DGKI: variants seen among roughly 807,000 people sequenced by gnomAD.
DGKI encodes the protein diacylglycerol kinase iota.
In DGKI, 55 loss-of-function variants were observed where a neutral mutation model predicts 147.5. The ratio of observed to expected loss-of-function variants is 0.37; its 90% CI spans 0.30 to 0.47. The LOEUF (loss-of-function observed/expected upper bound fraction) is 0.47, where lower values mean the gene tolerates loss of function less well. Ranked by LOEUF, DGKI falls within the 20% of genes least tolerant of loss-of-function variation. The pLI, the probability that DGKI is intolerant of heterozygous loss-of-function variation, is 1.00. For synonymous variants in DGKI, 469 were observed against 477.1 expected (o/e 0.98, Z 0.22); for missense variants, 1,007 against 1,323.8 (o/e 0.76, Z 3.71).
rs140431219 is a variant in DGKI, at chr7:137,524,694, G to T, written c.2148-2728C>A. ...GAAGCTGGAACCATAGAATGTAGTGGCCTATCAGACCCTAATAGGAGAAGT... is the reference window on the plus strand; with the variant it reads ...GAAGCTGGAACCATAGAATGTAGTGTCCTATCAGACCCTAATAGGAGAAGT... On this transcript the variant is annotated intron_variant, in intron 20 of 32. Coordinates refer to ENST00000614521, the MANE Select transcript of DGKI (RefSeq NM_001321708.2). Among the ~76,000 whole-genome samples the T allele has an allele frequency of 3.6e-3, 548 of 152,198 alleles. 4 individuals are homozygous for T. The highest frequency in any genetic ancestry group is 0.012 in the African/African-American group (513 of 41,532).
chr7:137,680,126 A>G (rs1823183935), intron 2 of DGKI, among the ~76,000 whole-genome samples: 1 of 152,096 alleles, frequency 6.6e-6, no homozygotes, highest in African/African-American at 2.4e-5. Flanking sequence ...TCCTTATAGA[A>G]GAGACACATG....
Position 137,801,362 on chromosome 7 carries a change from G to C in DGKI, c.401+45100C>G, listed in dbSNP as rs868695065. On this transcript the variant is annotated intron_variant, in intron 1 of 32. Transcript: ENST00000614521. ...AAAAGATCAAGGTTTCAAAAGGAAG[G>C]AGCAAGGGGAAATGGATTTCATAAA... Among the ~76,000 whole-genome samples the C allele has an allele frequency of 7.2e-5, 11 of 152,306 alleles. 1 individual carries two copies. In the Middle Eastern group the frequency reaches 0.017, roughly 235 times the overall value.
At chr7:137,794,945 T>A (rs1796977540) in intron 1 of DGKI, among the ~76,000 whole-genome samples, 1 of 152,190 alleles carries the variant, frequency 6.6e-6, no homozygotes, top group Non-Finnish European at 1.5e-5. Context: ...AGCTACGTCC[T>A]TTTTAACACA....
chr7:137,511,895 C>T (rs967827382), intron 21 of DGKI, among the ~76,000 whole-genome samples: 1 of 152,134 alleles, frequency 6.6e-6, no homozygotes, highest in East Asian at 1.9e-4. Context: ...GTCCAATAAC[C>T]CTTGCCTCAA....
At chr7:137,430,019 G>A (rs61574089) in intron 28 of DGKI, among the ~76,000 whole-genome samples, 5,975 of 77,302 alleles carry the variant, frequency 0.077, 170 homozygotes, top group East Asian at 0.24. Context: ...ATCTAGAACT[G>A]GAAATACCAT....
chr7:137,610,985 C>T (rs140487826), intron 8 of DGKI, among the ~76,000 whole-genome samples: 29 of 152,286 alleles, frequency 1.9e-4, no homozygotes, highest in Non-Finnish European at 3.7e-4. Flanking sequence ...TCGAGGAGCT[C>T]ATGGGTGCTC....
At chr7:137,585,096 C>T in intron 14 of DGKI, 113 bp downstream of exon 14, 1 of 1,243,778 alleles carries the variant, frequency 8.0e-7, no homozygotes, top group South Asian at 1.4e-5. Flanking sequence ...CAAATATTAT[C>T]ACATTATCTC....
chr7:137,659,806 A>G (rs911824271), intron 3 of DGKI, among the ~76,000 whole-genome samples: 1 of 152,080 alleles, frequency 6.6e-6, no homozygotes. Context: ...GGTGGTGGGC[A>G]CCTGTAGTCC....
At chr7:137,399,851 A>G (rs1811685641) in intron 30 of DGKI, among the ~76,000 whole-genome samples, 1 of 151,810 alleles carries the variant, frequency 6.6e-6, no homozygotes, top group Admixed American at 6.6e-5. Context: ...CAGAGGTTGC[A>G]GTGAGCCAAG....
At chr7:137,495,789 A>C (rs1815945405) in intron 21 of DGKI, among the ~76,000 whole-genome samples, 1 of 152,074 alleles carries the variant, frequency 6.6e-6, no homozygotes, top group African/African-American at 2.4e-5. Flanking sequence ...CAACAAACTA[A>C]GCACTGAAGG....
intron 1 of DGKI, among the ~76,000 whole-genome samples, chr7:137,762,945 T>C (rs1232295524): frequency 6.6e-6 from 1 of 152,226 alleles, no homozygotes; most frequent in African/African-American, 2.4e-5. Flanking sequence ...CAGCTATTCA[T>C]ATCTGTTCAA....
At chr7:137,839,040 T>G (rs138440242) in intron 1 of DGKI, among the ~76,000 whole-genome samples, 4 of 152,350 alleles carry the variant, frequency 2.6e-5, no homozygotes, top group Non-Finnish European at 4.4e-5. Flanking sequence ...TATCCATTCC[T>G]GACACTGTGA....
At chr7:137,575,692 TG>T in intron 17 of DGKI, among the ~76,000 whole-genome samples, 1 of 152,338 alleles carries the variant, frequency 6.6e-6, no homozygotes, top group East Asian at 1.9e-4. Context: ...CATAGTTCAA[TG>T]GGCCCTGTGT....
chr7:137,403,839 TTTTA>T (rs953030416), intron 30 of DGKI, among the ~76,000 whole-genome samples: 79 of 152,324 alleles, frequency 5.2e-4, no homozygotes, highest in Admixed American at 5.0e-3. Context: ...AGTGTAAAAT[TTTTA>T]TTTGTTATTT....
chr7:137,393,909 GA>G (rs1182321964), intron 32 of DGKI, among the ~76,000 whole-genome samples: 3 of 152,068 alleles, frequency 2.0e-5, no homozygotes, highest in East Asian at 3.9e-4. Flanking sequence ...AGGCCCCAGG[GA>G]AAAAAATTGC....
At chr7:137,675,967 C>T (rs948861763) in intron 3 of DGKI, among the ~76,000 whole-genome samples, 1 of 152,142 alleles carries the variant, frequency 6.6e-6, no homozygotes. Flanking sequence ...GCCCATGTAA[C>T]CTAACATTTC....
chr7:137,604,250 C>G (rs1055725896), intron 10 of DGKI, among the ~76,000 whole-genome samples: 6 of 152,208 alleles, frequency 3.9e-5, no homozygotes, highest in African/African-American at 1.4e-4. Flanking sequence ...CTACTCTAAA[C>G]CTTAGGGAGC....
At chr7:137,517,272 G>A (rs1437943007) in intron 21 of DGKI, among the ~76,000 whole-genome samples, 2 of 76,134 alleles carry the variant, frequency 2.6e-5, no homozygotes. Context: ...AAGAAAGAAA[G>A]AAAAGAAAAA....
chr7:137,621,696 C>A (rs552018430), intron 7 of DGKI, among the ~76,000 whole-genome samples: 17 of 152,324 alleles, frequency 1.1e-4, no homozygotes, highest in Non-Finnish European at 1.9e-4. Context: ...CCACAATGGT[C>A]AGGTGAAAGT....
Sources: allele counts gnomAD v4.1 joint callset (sites outside exome capture counted in the v4.1 genomes callset), GRCh38; gene constraint gnomAD v4.1.1; transcripts MANE v1.5; gene names NCBI Gene and HGNC (gene_info 2026-07-23, HGNC 2026-07-21).